Variants in CDH18 observed in about 807,000 individuals in gnomAD.
CDH18 encodes the protein cadherin-18.
CDH18 carries 31 observed loss-of-function variants against 67.9 expected under a neutral mutation model. That is an observed-to-expected ratio of 0.46 (90% CI 0.34 to 0.62). The LOEUF is 0.62. Ranked by LOEUF, CDH18 falls within the 20% of genes least tolerant of loss-of-function variation. The probability of loss-of-function intolerance (pLI) is 0.01; values close to 1 mark genes in which losing one functional copy is unlikely to be tolerated. For missense variants in CDH18, 890 were observed against 975.5 expected (o/e 0.91, Z 1.17); for synonymous variants, 362 against 347.2 (o/e 1.04, Z -0.48).
intron 2 of CDH18, among the ~76,000 whole-genome samples, chr5:20,195,994 T>G (rs750663239): frequency 2.8e-4 from 43 of 152,270 alleles, no homozygotes; most frequent in Admixed American, 9.2e-4. Context: ...CTACAATACC[T>G]GCTTTACCAC....
intron 5 of CDH18, among the ~76,000 whole-genome samples, chr5:19,662,776 T>G (rs1050790439): frequency 3.3e-5 from 5 of 152,024 alleles, no homozygotes; most frequent in Non-Finnish European, 5.9e-5. Context: ...ACTAAAACAA[T>G]GTATGACTGA....
chr5:19,866,451 T>C (rs528420304), intron 2 of CDH18, among the ~76,000 whole-genome samples: 1 of 152,238 alleles, frequency 6.6e-6, no homozygotes, highest in East Asian at 1.9e-4. Context: ...TTTTTACAAC[T>C]TTACATGCAG....
intron 5 of CDH18, 56 bp from the exon 6 acceptor site, chr5:19,612,657 C>T: frequency 8.2e-7 from 1 of 1,223,098 alleles, no homozygotes; most frequent in Non-Finnish European, 1.2e-6. Context: ...CAAGTATCAA[C>T]AAACATACAC....
intron 1 of CDH18, among the ~76,000 whole-genome samples, chr5:20,495,741 C>A (rs1421644764): frequency 6.6e-6 from 1 of 151,844 alleles, no homozygotes; most frequent in East Asian, 1.9e-4. Context: ...CAAAAAAAGA[C>A]AAAAGTGACA....
intron 1 of CDH18, among the ~76,000 whole-genome samples, chr5:20,285,779 T>C (rs1198971130): frequency 6.6e-6 from 1 of 151,666 alleles, no homozygotes; most frequent in Non-Finnish European, 1.5e-5. Context: ...AGTCAAATCA[T>C]AGAACAATAT....
chr5:19,850,637 G>C (rs942477838), intron 2 of CDH18, among the ~76,000 whole-genome samples: 14 of 151,754 alleles, frequency 9.2e-5, no homozygotes, highest in African/African-American at 3.4e-4. Context: ...TTGATCTGTG[G>C]CAAACAGAAA....
At chr5:20,552,673 A>T (rs1258769931) in intron 1 of CDH18, among the ~76,000 whole-genome samples, 1 of 152,210 alleles carries the variant, frequency 6.6e-6, no homozygotes, top group Non-Finnish European at 1.5e-5. Context: ...CAGTAAGATA[A>T]CTATCTTATA....
At chr5:20,448,108 C>T (rs577555683) in intron 1 of CDH18, among the ~76,000 whole-genome samples, 66 of 151,708 alleles carry the variant, frequency 4.4e-4, no homozygotes, top group African/African-American at 1.5e-3. Flanking sequence ...CATATCCAAG[C>T]GCTCTCGTTC....
chr5:19,713,578 G>A (rs1469778390), intron 5 of CDH18, among the ~76,000 whole-genome samples: 2 of 152,068 alleles, frequency 1.3e-5, no homozygotes, highest in Admixed American at 6.6e-5. Flanking sequence ...ATATTATTCT[G>A]TTGATGTCAA....
intron 2 of CDH18, among the ~76,000 whole-genome samples, chr5:20,149,325 T>C (rs1186371199): frequency 6.6e-6 from 1 of 152,204 alleles, no homozygotes; most frequent in Non-Finnish European, 1.5e-5. Flanking sequence ...TTTTTATATC[T>C]TCTGCATTAT....
intron 2 of CDH18, among the ~76,000 whole-genome samples, chr5:19,956,190 A>C (rs1796238541): frequency 1.3e-5 from 2 of 152,154 alleles, no homozygotes; most frequent in Admixed American, 1.3e-4. Flanking sequence ...CAAACGGAGA[A>C]TGTTTCTGCA....
At chr5:20,549,424 C>T (rs1757515515) in intron 1 of CDH18, among the ~76,000 whole-genome samples, 1 of 152,008 alleles carries the variant, frequency 6.6e-6, no homozygotes, top group African/African-American at 2.4e-5. Context: ...TATCTATCAG[C>T]TATTGCTCTA....
intron 5 of CDH18, among the ~76,000 whole-genome samples, chr5:19,624,908 T>A (rs1751282732): frequency 6.6e-6 from 1 of 152,114 alleles, no homozygotes; most frequent in African/African-American, 2.4e-5. Flanking sequence ...GATTCCTTTA[T>A]CCTGAGAGCT....
chr5:19,768,988 T>A (rs1442286003), intron 3 of CDH18, among the ~76,000 whole-genome samples: 1 of 151,776 alleles, frequency 6.6e-6, no homozygotes, highest in Non-Finnish European at 1.5e-5. Flanking sequence ...AACAGCAACA[T>A]TGACAAGAGG....
At chr5:19,637,234 T>C (rs1014106912) in intron 5 of CDH18, among the ~76,000 whole-genome samples, 1 of 152,096 alleles carries the variant, frequency 6.6e-6, no homozygotes, top group African/African-American at 2.4e-5. Flanking sequence ...TGCATATATT[T>C]ATTGCACAGA....
chr5:20,465,592 G>C (rs1258435463), intron 1 of CDH18, among the ~76,000 whole-genome samples: 1 of 151,910 alleles, frequency 6.6e-6, no homozygotes, highest in African/African-American at 2.4e-5. Flanking sequence ...TTACTAATTA[G>C]TATGATTTAT....
At chr5:20,405,401 T>G (rs554242364) in intron 1 of CDH18, among the ~76,000 whole-genome samples, 39 of 152,336 alleles carry the variant, frequency 2.6e-4, no homozygotes, top group Admixed American at 7.2e-4. Context: ...AAGCTGAAAC[T>G]GGACCCCTTC....
chr5:19,822,616 A>AT (rs1307909220), intron 3 of CDH18, among the ~76,000 whole-genome samples: 1 of 152,102 alleles, frequency 6.6e-6, no homozygotes, highest in East Asian at 1.9e-4. Context: ...TTTATTAGTG[A>AT]TTTTCAAAGG....
At chr5:19,912,384 C>T (rs1269959944) in intron 2 of CDH18, among the ~76,000 whole-genome samples, 2 of 152,122 alleles carry the variant, frequency 1.3e-5, no homozygotes, top group South Asian at 2.1e-4. Flanking sequence ...GATTTAGTGA[C>T]ACAGAGGACA....
Sources: gnomAD v4.1 joint callset for allele counts (sites outside exome capture counted in the v4.1 genomes callset) on GRCh38, gnomAD v4.1.1 for gene constraint, MANE v1.5 for transcripts, NCBI Gene and HGNC (gene_info 2026-07-23, HGNC 2026-07-21) for gene names.